Variants in SYNE3 observed in about 807,000 individuals in gnomAD.
The protein encoded by SYNE3 is nesprin-3.
A neutral mutation model predicts 111.2 loss-of-function variants in SYNE3; 100 were observed. The ratio of observed to expected loss-of-function variants is 0.90; its 90% confidence interval spans 0.77 to 1.06. SYNE3 has a LOEUF of 1.06. SYNE3 is among the 50% of genes least tolerant of loss of function. The pLI is 0.00. For missense variants in SYNE3, 1,160 were observed against 1,240.3 expected (o/e 0.94, Z 0.97); for synonymous variants, 547 against 533.9 (o/e 1.02, Z -0.34).
intron 4 of SYNE3, among the ~76,000 whole-genome samples, chr14:95,463,731 T>A (rs1227567068): frequency 6.6e-6 from 1 of 152,218 alleles, no homozygotes; most frequent in African/African-American, 2.4e-5. Flanking sequence ...CCTTGCGCAG[T>A]CTCCTGGAGC....
Position 95,456,669 on chromosome 14 carries a change from AT to A in SYNE3, c.789+507del, listed in dbSNP as rs139716523. ...TTTCCAAATGCTCTGCTGGCCAGGGATTTCCATAAAGCCTCTGAGGACCCAA... is the reference window on the plus strand; with the variant it reads ...TTTCCAAATGCTCTGCTGGCCAGGGATTCCATAAAGCCTCTGAGGACCCAA... On this transcript the variant is annotated intron_variant, in intron 5 of 17. Coordinates refer to ENST00000682763, the MANE Select transcript of SYNE3 (RefSeq NM_152592.6). Among the ~76,000 whole-genome samples the A allele has an allele frequency of 3.0e-3, 463 of 152,124 alleles. 2 individuals carry two copies. Among genetic ancestry groups the A allele is most frequent in the Non-Finnish European group, 4.9e-3 (335 of 68,006 alleles).
At chr14:95,514,215 G>C (rs559350977) in intron 1 of SYNE3, among the ~76,000 whole-genome samples, 1 of 152,252 alleles carries the variant, frequency 6.6e-6, no homozygotes, top group East Asian at 1.9e-4. Context: ...TTATCACCCC[G>C]CCCAGGCTGG....
At chr14:95,438,028 C>T (rs1325286885) in intron 14 of SYNE3, 4 of 152,148 alleles carry the variant, frequency 2.6e-5, no homozygotes, top group Admixed American at 2.6e-4. Context: ...TGGGCCCTAG[C>T]CAGATCTACT....
At chr14:95,471,063 C>T (rs575140313) in intron 2 of SYNE3, among the ~76,000 whole-genome samples, 2 of 152,098 alleles carry the variant, frequency 1.3e-5, no homozygotes, top group African/African-American at 2.4e-5. Flanking sequence ...AAGCTAGCAA[C>T]ACAATAAGTC....
At chr14:95,433,237 A>T in intron 16 of SYNE3, 23 bp downstream of exon 16, 1 of 1,609,824 alleles carries the variant, frequency 6.2e-7, no homozygotes, top group Non-Finnish European at 8.5e-7. Context: ...GGAATCTGGG[A>T]CCTGCACATC....
At position 95,467,834 on chromosome 14, in the gene SYNE3, T is replaced by C; in HGVS notation, c.278A>G (p.Gln93Arg). Residue 93 changes from glutamine (Q) to arginine (R), a missense_variant, in exon 3 of 18, where the codon CAA becomes CGA. By Grantham distance (43) the Gln-to-Arg change is conservative (BLOSUM62 1). Coordinates refer to ENST00000682763, the MANE Select transcript of SYNE3 (RefSeq NM_152592.6). ...ILARLKDIKA[Q>R]WEETVTYMTH... is the part of the protein sequence containing the mutation. ...CATGTAGGTGACTGTCTCCTCCCAT[T>C]GGGCCTTGATGTCCTTCAGCCGGGC... 6.2e-7 allele frequency: 1 copy of C among 1,614,182 alleles called. No individual in the cohort carries two copies. Among genetic ancestry groups the C allele is most frequent in the Non-Finnish European group, 8.5e-7 (1 of 1,180,022 alleles).
In SYNE3 at chr14:95,412,189, G is replaced by T; in HGVS notation, c.*5637C>A. 1 of 152,976 alleles carries T rather than the reference G, an allele frequency of 6.5e-6. No individual in the cohort carries two copies. 9.5% of individuals were successfully genotyped at this position (152,976 alleles called of 1,614,324 possible). On this transcript the variant is annotated 3_prime_UTR_variant, in exon 18 of 18. Coordinates refer to ENST00000682763, the MANE Select transcript of SYNE3 (RefSeq NM_152592.6). ...TGACCCACTTCCTCTGCCCGGTATG[G>T]TTCATAGTCACAATGGTGGCCTCCA...
chr14:95,501,842 G>A (rs1890349227), intron 1 of SYNE3, among the ~76,000 whole-genome samples: 1 of 152,182 alleles, frequency 6.6e-6, no homozygotes. Context: ...TCATCCAACA[G>A]CATTTACAAA....
At chr14:95,489,430 G>A (rs1158514795) in intron 1 of SYNE3, among the ~76,000 whole-genome samples, 2 of 152,190 alleles carry the variant, frequency 1.3e-5, no homozygotes, top group East Asian at 1.9e-4. Context: ...TGAACTCTGA[G>A]CCTTTTGTTC....
At position 95,435,759 on chromosome 14, in the gene SYNE3, T is replaced by C. The variant is rs185469229; in HGVS notation, c.2538+1061A>G. 2.4e-3 allele frequency among the ~76,000 whole-genome samples: 359 copies of C among 152,194 alleles called. 7 individuals carry two copies. The highest frequency in any genetic ancestry group is 8.5e-4 in the Non-Finnish European group (58 of 67,980). On this transcript the variant is annotated intron_variant, in intron 15 of 17. Transcript: ENST00000682763. Reference sequence around the variant, plus strand: ...TTGCATAAAAATAGGGAAACAGAAGTGAGCTAGGGCCTGGTTGAGAATGGC... The same window carrying C: ...TTGCATAAAAATAGGGAAACAGAAGCGAGCTAGGGCCTGGTTGAGAATGGC...
At chr14:95,442,750 A>G (rs1258091866) in intron 11 of SYNE3, among the ~76,000 whole-genome samples, 1 of 152,226 alleles carries the variant, frequency 6.6e-6, no homozygotes, top group East Asian at 1.9e-4. Flanking sequence ...GCAGGCTGCA[A>G]GGGACCCGAG....
chr14:95,501,012 A>G (rs1349665754), intron 1 of SYNE3, among the ~76,000 whole-genome samples: 1 of 152,258 alleles, frequency 6.6e-6, no homozygotes, highest in Non-Finnish European at 1.5e-5. Context: ...CTGATGGTCC[A>G]CACGCTTTGC....
At chr14:95,457,036 G>C (rs1887487667) in intron 5 of SYNE3, 141 bp downstream of exon 5, 1 of 1,158,368 alleles carries the variant, frequency 8.6e-7, no homozygotes, top group African/African-American at 1.6e-5. Context: ...AGTGAGCTGA[G>C]ATCGCGCCAC....
intron 5 of SYNE3, 145 bp downstream of exon 5, chr14:95,457,032 C>T: frequency 8.9e-7 from 1 of 1,126,300 alleles, no homozygotes; most frequent in Non-Finnish European, 1.2e-6. Context: ...TTGCAGTGAG[C>T]TGAGATCGCG....
chr14:95,482,017 G>T (rs935520858), intron 1 of SYNE3, among the ~76,000 whole-genome samples: 63 of 152,354 alleles, frequency 4.1e-4, no homozygotes, highest in African/African-American at 1.2e-3. Flanking sequence ...GCTCTCCAAA[G>T]CTCAGGGTGC....
At chr14:95,430,220 G>T (rs903059220) in intron 17 of SYNE3, among the ~76,000 whole-genome samples, 6 of 152,144 alleles carry the variant, frequency 3.9e-5, no homozygotes, top group African/African-American at 1.2e-4. Flanking sequence ...CACCCACATG[G>T]ATCCTGGCCT....
chr14:95,430,319 C>T (rs1045709009), intron 17 of SYNE3, among the ~76,000 whole-genome samples: 13 of 152,052 alleles, frequency 8.5e-5, no homozygotes, highest in African/African-American at 3.1e-4. Context: ...CTAGGTCCCC[C>T]GTCTCCCACC....
At position 95,409,056 on chromosome 14, in the gene SYNE3, T is replaced by A; in HGVS notation, c.*8770A>T. 2.3e-6 allele frequency: 1 copy of A among 430,504 alleles called. No individual in the cohort carries two copies. Among genetic ancestry groups the A allele is most frequent in the Non-Finnish European group, 4.7e-6 (1 of 211,656 alleles). The allele number at this position is 430,504 out of a possible 1,614,324, so 26.7% of individuals were successfully genotyped here. The stretch of plus-strand genomic sequence containing the variant: ...AGCATGCTGCCCCTGCTTTGGAATG[T>A]TGCCCTCCAGCTAACTCACCAGCTG... On this transcript the variant is annotated 3_prime_UTR_variant, in exon 18 of 18. Coordinates refer to ENST00000682763, the MANE Select transcript of SYNE3 (RefSeq NM_152592.6).
chr14:95,450,199 A>AT (rs1361741588), intron 7 of SYNE3, 94 bp from the exon 8 acceptor site: 4 of 1,422,358 alleles, frequency 2.8e-6, no homozygotes, highest in Non-Finnish European at 2.8e-6. Flanking sequence ...GAGGCCCAGC[A>AT]TGCACTGCTC....
Sources: allele counts gnomAD v4.1 joint callset (sites outside exome capture counted in the v4.1 genomes callset), GRCh38; gene constraint gnomAD v4.1.1; transcripts MANE v1.5; gene names NCBI Gene and HGNC (gene_info 2026-07-23, HGNC 2026-07-21).